KCNN2: variants seen among roughly 807,000 people sequenced by gnomAD.
The protein encoded by KCNN2 is potassium calcium-activated channel subfamily N member 2.
KCNN2 carries 24 observed loss-of-function variants against 55.5 expected under a neutral mutation model. The ratio of observed to expected loss-of-function variants is 0.43; its 90% CI spans 0.31 to 0.61. The LOEUF (loss-of-function observed/expected upper bound fraction) is 0.61, where lower values mean the gene tolerates loss of function less well. Among genes scored for constraint, KCNN2 ranks in the 20% least tolerant of loss-of-function variants. KCNN2 has a pLI of 0.08. For synonymous variants in KCNN2, 431 were observed against 336.1 expected, an observed-to-expected ratio of 1.28 and a Z score of -3.09; for missense variants, 754 against 853.6, an observed-to-expected ratio of 0.88 and a Z score of 1.45.
At chr5:114,446,318 A>G (rs1050212995) in intron 3 of KCNN2, among the ~76,000 whole-genome samples, 3 of 152,194 alleles carry the variant, frequency 2.0e-5, no homozygotes, top group African/African-American at 7.2e-5. Context: ...GCAAAGAGGA[A>G]GTTCTTAGTG....
intron 2 of KCNN2, among the ~76,000 whole-genome samples, chr5:114,225,313 C>CT (rs1030025775): frequency 1.3e-5 from 2 of 152,000 alleles, no homozygotes; most frequent in African/African-American, 4.8e-5. Flanking sequence ...ATTATGGAGA[C>CT]TAAGACAGAT....
intron 2 of KCNN2, among the ~76,000 whole-genome samples, chr5:114,366,768 T>G (rs1757615053): frequency 6.6e-6 from 1 of 152,238 alleles, no homozygotes. Context: ...TAAAAAGTTT[T>G]AAGCTAATGA....
intron 1 of KCNN2, among the ~76,000 whole-genome samples, chr5:114,202,580 TA>T (rs1468167260): frequency 2.7e-4 from 22 of 80,836 alleles, no homozygotes; most frequent in African/African-American, 7.1e-4. Flanking sequence ...TATATATATA[TA>T]TATATTTTTT....
intron 2 of KCNN2, among the ~76,000 whole-genome samples, chr5:114,350,436 C>T (rs1258584722): frequency 6.6e-6 from 1 of 151,734 alleles, no homozygotes; most frequent in Non-Finnish European, 1.5e-5. Flanking sequence ...CTGATGGTAT[C>T]CTTTGAAGCA....
chr5:114,287,418 A>T (rs1042671461), intron 2 of KCNN2, among the ~76,000 whole-genome samples: 4 of 152,222 alleles, frequency 2.6e-5, no homozygotes, highest in African/African-American at 9.6e-5. Context: ...CTATGCAGCC[A>T]TAGAAAAGGA....
chr5:114,189,658 T>C lies in KCNN2; in HGVS notation c.-270-31822T>C, dbSNP rs142051313. On this transcript the variant is annotated intron_variant, in intron 1 of 10. Transcript: ENST00000512097. ...ACTATTCCAAGCACTTTGTGTATGTTAGTGTGTTTAATTCTCACAGCATCC... is the reference window on the plus strand; with the variant it reads ...ACTATTCCAAGCACTTTGTGTATGTCAGTGTGTTTAATTCTCACAGCATCC... Among the ~76,000 whole-genome samples, 1,209 of 152,350 alleles carry C rather than the reference T, an allele frequency of 7.9e-3. 11 individuals are homozygous for C. The highest frequency in any genetic ancestry group is 0.051 in the Middle Eastern group (15 of 294).
intron 1 of KCNN2, among the ~76,000 whole-genome samples, chr5:114,184,731 T>A (rs1580598573): frequency 1.3e-5 from 2 of 152,312 alleles, no homozygotes; most frequent in South Asian, 4.1e-4. Context: ...CTTACCACTC[T>A]CCTGCCACAA....
intron 1 of KCNN2, among the ~76,000 whole-genome samples, chr5:114,107,927 C>A (rs1479150516): frequency 1.3e-5 from 2 of 152,004 alleles, no homozygotes; most frequent in Non-Finnish European, 2.9e-5. Flanking sequence ...GCATTACTTT[C>A]ATTGGATCTA....
At chr5:114,078,981 A>T (rs369292207) in intron 1 of KCNN2, among the ~76,000 whole-genome samples, 3 of 152,146 alleles carry the variant, frequency 2.0e-5, no homozygotes, top group Non-Finnish European at 4.4e-5. Flanking sequence ...TTGGAAATTG[A>T]GTTGGAAGTT....
intron 2 of KCNN2, among the ~76,000 whole-genome samples, chr5:114,317,783 A>G (rs955803311): frequency 2.0e-5 from 3 of 152,252 alleles, no homozygotes; most frequent in Non-Finnish European, 2.9e-5. Flanking sequence ...AAAGTAGCTT[A>G]CACATTAGCC....
intron 1 of KCNN2, among the ~76,000 whole-genome samples, chr5:114,162,420 G>A (rs113220500): frequency 1.3e-5 from 2 of 152,174 alleles, no homozygotes; most frequent in Admixed American, 6.5e-5. Flanking sequence ...CTACTGGGGG[G>A]TGCCTCCCAG....
At chr5:114,231,792 C>G (rs1754367415) in intron 2 of KCNN2, among the ~76,000 whole-genome samples, 1 of 150,564 alleles carries the variant, frequency 6.6e-6, no homozygotes. Flanking sequence ...ATGTCCATCA[C>G]TAGATGACTT....
At chr5:114,374,567 C>A (rs1243739201) in intron 2 of KCNN2, among the ~76,000 whole-genome samples, 1 of 152,136 alleles carries the variant, frequency 6.6e-6, no homozygotes, top group Non-Finnish European at 1.5e-5. Context: ...CAAGTAACAT[C>A]TCGAAATATT....
intron 2 of KCNN2, among the ~76,000 whole-genome samples, chr5:114,342,085 T>C (rs1757027182): frequency 6.6e-6 from 1 of 152,090 alleles, no homozygotes; most frequent in Non-Finnish European, 1.5e-5. Flanking sequence ...GTATTTTTAG[T>C]AGAGACGGGG....
chr5:114,164,116 A>G (rs1241892921), intron 1 of KCNN2, among the ~76,000 whole-genome samples: 1 of 152,228 alleles, frequency 6.6e-6, no homozygotes, highest in Non-Finnish European at 1.5e-5. Context: ...AAAAGTATTC[A>G]AAAAGTATTA....
At chr5:114,222,890 T>G (rs1022564378) in intron 2 of KCNN2, among the ~76,000 whole-genome samples, 1 of 152,176 alleles carries the variant, frequency 6.6e-6, no homozygotes, top group African/African-American at 2.4e-5. Flanking sequence ...GTGTGACTAC[T>G]TGCTGTGAGT....
intron 1 of KCNN2, among the ~76,000 whole-genome samples, chr5:114,216,955 C>T (rs1480676681): frequency 6.6e-6 from 1 of 152,062 alleles, no homozygotes; most frequent in African/African-American, 2.4e-5. Flanking sequence ...AATTGCTTTC[C>T]TATATACCAG....
Position 114,362,862 on chromosome 5 carries a change from A to G in KCNN2, c.723A>G (p.Ser241=), listed in dbSNP as rs1176723988. Residue 241 remains serine (S), a synonymous_variant, in exon 1 of 8, where the codon TCA becomes TCG. Transcript: ENST00000673685. The part of the protein sequence containing the change: ...ASRRNLHEMD[S]EAQPLQPPAS... ...GCCGGAACCTGCACGAGATGGACTC[A>G]GAGGCGCAGCCCCTGCAGCCCCCCG... is the stretch of plus-strand genomic sequence containing the variant. 1.3e-6 allele frequency: 2 copies of G among 1,599,930 alleles called. No homozygotes were observed. Among genetic ancestry groups the G allele is most frequent in the Non-Finnish European group, 1.7e-6 (2 of 1,178,938 alleles).
intron 1 of KCNN2, among the ~76,000 whole-genome samples, chr5:114,143,045 A>G (rs1005840123): frequency 6.6e-6 from 1 of 152,102 alleles, no homozygotes; most frequent in Non-Finnish European, 1.5e-5. Flanking sequence ...ATAAACGCAC[A>G]CAAGATAGTG....
Sources: allele counts gnomAD v4.1 joint callset (sites outside exome capture counted in the v4.1 genomes callset), GRCh38; gene constraint gnomAD v4.1.1; transcripts MANE v1.5; gene names NCBI Gene and HGNC (gene_info 2026-07-23, HGNC 2026-07-21).